Variants in RAB11FIP3 observed in about 807,000 individuals in gnomAD.
RAB11FIP3 encodes RAB11 family interacting protein 3.
Under a neutral mutation model 77.8 loss-of-function variants are expected in RAB11FIP3, and 17 were observed. That is an observed-to-expected ratio of 0.22 (90% CI 0.15 to 0.33). The LOEUF (loss-of-function observed/expected upper bound fraction) is 0.33. Ranked by LOEUF, RAB11FIP3 falls within the 10% of genes least tolerant of loss-of-function variation. The probability of loss-of-function intolerance (pLI) is 1.00; values close to 1 mark genes in which losing one functional copy is unlikely to be tolerated. For synonymous variants in RAB11FIP3, 437 were observed against 448.2 expected, an observed-to-expected ratio of 0.98 and a Z score of 0.31; for missense variants, 1,005 against 1,011.2, an observed-to-expected ratio of 0.99 and a Z score of 0.08.
Position 471,668 on chromosome 16 carries a change from G to C in RAB11FIP3, c.903+279G>C. On this transcript the variant is annotated intron_variant, in intron 3 of 13. Transcript: ENST00000262305. The surrounding 1 kb of genome is among the most constrained non-coding windows in gnomAD (Gnocchi z 4.4). ...TGATGTCATGACCACCCGCTGCCAGGCTGGCAGGCACAGGCGGAGCAGAGG... is the reference window on the plus strand; with the variant it reads ...TGATGTCATGACCACCCGCTGCCAGCCTGGCAGGCACAGGCGGAGCAGAGG... Among the ~76,000 whole-genome samples the C allele has an allele frequency of 6.6e-6, 1 of 152,194 alleles. No individual in the cohort carries two copies.
intron 6 of RAB11FIP3, chr16:497,167 G>C: frequency 1.2e-6 from 1 of 836,476 alleles, no homozygotes; most frequent in East Asian, 5.8e-5. Flanking sequence ...TGTTAGCTCT[G>C]AGGTAGCGAG....
intron 2 of RAB11FIP3, among the ~76,000 whole-genome samples, chr16:468,203 A>C (rs1429116168): frequency 1.1e-3 from 12 of 10,660 alleles, no homozygotes; most frequent in South Asian, 3.3e-3. Flanking sequence ...GGTGCAGGGA[A>C]GTCAGGGAGG....
intron 1 of RAB11FIP3, among the ~76,000 whole-genome samples, chr16:440,141 C>G (rs575701405): frequency 4.6e-5 from 7 of 151,970 alleles, no homozygotes; most frequent in African/African-American, 1.7e-4. Context: ...CCGCGCCCGG[C>G]CTTCTTGGTT....
intron 6 of RAB11FIP3, among the ~76,000 whole-genome samples, chr16:502,240 C>T (rs1348672946): frequency 6.6e-6 from 1 of 152,270 alleles, no homozygotes; most frequent in Admixed American, 6.5e-5. Flanking sequence ...ACCACAAGCA[C>T]GCGCTTACTG....
chr16:425,683 T>A lies in RAB11FIP3; in HGVS notation c.-324T>A. On this transcript the variant is annotated 5_prime_UTR_variant, in exon 1 of 14. Coordinates refer to ENST00000262305, the MANE Select transcript of RAB11FIP3 (RefSeq NM_014700.4). The stretch of plus-strand genomic sequence containing the variant: ...AGTCTCCTCATCCTGCTTCACAGGC[T>A]CCGCGGCCTCCGGCCTCCTCGGCCC... 3.9e-6 allele frequency: 1 copy of A among 258,616 alleles called. No homozygotes were observed. Among genetic ancestry groups the A allele is most frequent in the Non-Finnish European group, 7.4e-6 (1 of 135,314 alleles). 16.0% of individuals were successfully genotyped at this position (258,616 alleles called of 1,614,324 possible). A position where few individuals can be genotyped will look rare whatever the true frequency, so the allele number is the denominator to read the frequency against.
In RAB11FIP3 at chr16:477,688, G is replaced by A. The variant is rs1006824927; in HGVS notation, c.904-4837G>A. ...AGCACGAGAGCTGGGGTTTCTTACA[G>A]TGCTCTCCTGGTTCTGGATGTTACA... is the stretch of plus-strand genomic sequence containing the variant. On this transcript the variant is annotated intron_variant, in intron 3 of 13. Transcript: ENST00000262305. 8 of 985,008 alleles carry A rather than the reference G, an allele frequency of 8.1e-6. No homozygotes were observed. In the African/African-American group the frequency reaches 1.0e-4, roughly 13 times the overall value. 61.0% of individuals were successfully genotyped at this position (985,008 alleles called of 1,614,324 possible).
intron 5 of RAB11FIP3, among the ~76,000 whole-genome samples, chr16:490,926 G>A (rs1230095180): frequency 6.6e-6 from 1 of 152,222 alleles, no homozygotes; most frequent in East Asian, 1.9e-4. Flanking sequence ...TCGAGCTGGT[G>A]CCTGTCCTGG....
At position 461,437 on chromosome 16, in the gene RAB11FIP3, G is replaced by C; in HGVS notation, c.748G>C (p.Gly250Arg). Residue 250 changes from glycine (G) to arginine (R), a missense_variant, in exon 2 of 14, where the codon GGG becomes CGG. Gly to Arg is a moderately radical substitution (Grantham distance 125). Coordinates refer to ENST00000262305, the MANE Select transcript of RAB11FIP3 (RefSeq NM_014700.4). This position sits in a 1 kb window ranked among gnomAD's most constrained non-coding sequence, Gnocchi z 4.5. The stretch of plus-strand genomic sequence containing the variant: ...CTTAACTAAGTACTTGGATCCCAGT[G>C]GGCTCGGCGTGATCAGCTTTGAAGA... ...KDLTKYLDPS[G>R]LGVISFEDFY... 1 of 1,613,984 alleles carries C rather than the reference G, an allele frequency of 6.2e-7. No homozygotes were observed. The highest frequency in any genetic ancestry group is 1.1e-5 in the South Asian group (1 of 91,078).
intron 6 of RAB11FIP3, among the ~76,000 whole-genome samples, chr16:499,380 G>T (rs2031355909): frequency 6.6e-6 from 1 of 152,202 alleles, no homozygotes; most frequent in East Asian, 1.9e-4. Context: ...GCCAGCTAAG[G>T]CATCTGCTTG....
At chr16:467,504 G>A (rs1170684349) in intron 2 of RAB11FIP3, among the ~76,000 whole-genome samples, 1 of 122,504 alleles carries the variant, frequency 8.2e-6, no homozygotes, top group Non-Finnish European at 1.7e-5. Context: ...GTGCAGGGGC[G>A]TCAGGGAGGA....
At chr16:479,726 A>G (rs550264414) in intron 3 of RAB11FIP3, among the ~76,000 whole-genome samples, 96 of 152,200 alleles carry the variant, frequency 6.3e-4, no homozygotes, top group African/African-American at 2.2e-3. Context: ...AGTTCAAGAC[A>G]GCCTGGAAAA....
intron 1 of RAB11FIP3, among the ~76,000 whole-genome samples, chr16:431,793 G>C (rs2055041671): frequency 6.8e-6 from 1 of 147,118 alleles, no homozygotes; most frequent in Non-Finnish European, 1.5e-5. Context: ...GTCTCGCTCT[G>C]TCACCCAGGC....
chr16:474,860 G>A, intron 3 of RAB11FIP3: 2 of 1,458,000 alleles, frequency 1.4e-6, no homozygotes, highest in Non-Finnish European at 1.8e-6. Context: ...ATTAGAGCGT[G>A]TCTGGGAGCA....
chr16:431,364 A>T (rs1350617885), intron 1 of RAB11FIP3, among the ~76,000 whole-genome samples: 1 of 151,948 alleles, frequency 6.6e-6, no homozygotes, highest in Non-Finnish European at 1.5e-5. Flanking sequence ...CCATTATTTT[A>T]CTACATTTCT....
Position 482,610 on chromosome 16 carries a change from C to G in RAB11FIP3, c.989C>G (p.Thr330Ser). Residue 330 changes from threonine to serine, a missense_variant, in exon 4 of 14, where the codon ACC becomes AGC. Thr to Ser is a moderately conservative substitution (Grantham distance 58, BLOSUM62 1). This residue lies in a region of RAB11FIP3 where 433 missense variants were observed against 436.1 expected (regional missense o/e 0.99). Coordinates refer to ENST00000262305, the MANE Select transcript of RAB11FIP3 (RefSeq NM_014700.4). Reference sequence around the variant, plus strand: ...ACCTTCACGGACGAGGACACCAGCACCCTGGTGCACCCTGAGCTGCAACCT... The same window carrying G: ...ACCTTCACGGACGAGGACACCAGCAGCCTGGTGCACCCTGAGCTGCAACCT... Reference protein sequence around the residue: ...CETFTDEDTSTLVHPELQPEG... With the variant: ...CETFTDEDTSSLVHPELQPEG... 1 of 1,613,562 alleles carries G rather than the reference C, an allele frequency of 6.2e-7. No individual in the cohort carries two copies. Among genetic ancestry groups the G allele is most frequent in the Non-Finnish European group, 8.5e-7 (1 of 1,180,036 alleles).
At chr16:467,525 C>T (rs1285963621) in intron 2 of RAB11FIP3, among the ~76,000 whole-genome samples, 1 of 119,292 alleles carries the variant, frequency 8.4e-6, no homozygotes. Context: ...GGTGCGGGGG[C>T]GTCAGGGAGG....
intron 9 of RAB11FIP3, 43 bp downstream of exon 9, chr16:510,843 C>A: frequency 1.2e-6 from 2 of 1,602,392 alleles, no homozygotes; most frequent in Non-Finnish European, 1.7e-6. Context: ...AACCTGCAGG[C>A]CAGGTAGGAG....
At chr16:465,735 G>T (rs958573183) in intron 2 of RAB11FIP3, among the ~76,000 whole-genome samples, 3 of 152,106 alleles carry the variant, frequency 2.0e-5, no homozygotes, top group Non-Finnish European at 4.4e-5. Flanking sequence ...TCAGCCTCCC[G>T]AGTAGCTGAG....
At chr16:437,601 G>A (rs1287857446) in intron 1 of RAB11FIP3, among the ~76,000 whole-genome samples, 1 of 150,060 alleles carries the variant, frequency 6.7e-6, no homozygotes, top group Non-Finnish European at 1.5e-5. Context: ...AAGTCAGATG[G>A]ATATTGAATC....
Sources: allele counts gnomAD v4.1 joint callset (sites outside exome capture counted in the v4.1 genomes callset), GRCh38; gene constraint gnomAD v4.1.1; regional missense constraint gnomAD v4.1.1; non-coding constraint Gnocchi (gnomAD v3.1); transcripts MANE v1.5; gene names NCBI Gene and HGNC (gene_info 2026-07-23, HGNC 2026-07-21).